The following C9orf43 variants were observed in gnomAD, a reference collection of about 807,000 sequenced individuals.
C9orf43 encodes chromosome 9 open reading frame 43.
In C9orf43, 45 loss-of-function variants were observed where a neutral mutation model predicts 59.1. The observed-to-expected ratio is 0.76, with a 90% confidence interval of 0.60 to 0.98. C9orf43 has a LOEUF of 0.98. Ranked by LOEUF, C9orf43 falls within the 50% of genes least tolerant of loss-of-function variation. C9orf43 has a pLI of 0.00. For missense variants in C9orf43, 533 were observed against 554.9 expected, an observed-to-expected ratio of 0.96 and a Z score of 0.40; for synonymous variants, 203 against 196.8, an observed-to-expected ratio of 1.03 and a Z score of -0.26.
rs753606766 is a variant in C9orf43, at chr9:113,413,753, TC to T, written c.152-5del. 9.9e-6 allele frequency: 16 copies of T among 1,613,570 alleles called. No individual in the cohort carries two copies. The South Asian group carries it at 1.8e-4, about 18-fold the overall frequency. On this transcript the variant is annotated splice_polypyrimidine_tract_variant and splice_region_variant and intron_variant, in intron 2 of 13. Transcript: ENST00000374165. The stretch of plus-strand genomic sequence containing the variant: ...TAACATGTTTTCTTCTGGTCTGCCT[TC>T]TTAGATAAACTCCCAGTGCTCACCG...
chr9:113,421,849 A>G (rs1234387111), intron 5 of C9orf43, among the ~76,000 whole-genome samples: 1 of 152,090 alleles, frequency 6.6e-6, no homozygotes, highest in Non-Finnish European at 1.5e-5. Context: ...GTGTGTGTGT[A>G]TATATGGTAT....
At chr9:113,425,513 C>T in intron 10 of C9orf43, 93 bp downstream of exon 10, 1 of 1,492,584 alleles carries the variant, frequency 6.7e-7, no homozygotes, top group Non-Finnish European at 9.1e-7. Context: ...TCCTTGTTTT[C>T]TATCTGGTTA....
intron 8 of C9orf43, 27 bp from the exon 9 acceptor site, chr9:113,424,991 CT>C: frequency 6.3e-7 from 1 of 1,598,474 alleles, no homozygotes. Context: ...TGCAGTAGAG[CT>C]TTTCTTTTTC....
At chr9:113,420,178 C>T (rs1828513237) in intron 4 of C9orf43, among the ~76,000 whole-genome samples, 1 of 152,110 alleles carries the variant, frequency 6.6e-6, no homozygotes, top group Non-Finnish European at 1.5e-5. Flanking sequence ...ATTGTAGCCT[C>T]AAACTCCTGG....
intron 3 of C9orf43, among the ~76,000 whole-genome samples, chr9:113,417,926 C>T (rs1828428617): frequency 6.6e-6 from 1 of 152,066 alleles, no homozygotes; most frequent in South Asian, 2.1e-4. Flanking sequence ...TTTTAAATTC[C>T]ACTATCATTC....
In C9orf43 at chr9:113,425,396, G is replaced by C. The variant is rs773000641; in HGVS notation, c.918G>C (p.Lys306Asn). The change falls in exon 10 of 14, where the codon AAG (lysine) becomes AAC (asparagine). Residue 306 changes from lysine to asparagine, a missense_variant. Coordinates refer to ENST00000374165, the MANE Select transcript of C9orf43 (RefSeq NM_001278629.2). ...RQQQQQQQQK[K>N]VKTPIKKQEA... ...AGCAGCAGCAGCAGCAACAGAAGAA[G>C]GTGAAAACACCTATTAAGAAACAGG... 1 of 1,614,052 alleles carries C rather than the reference G, an allele frequency of 6.2e-7. No individual in the cohort carries two copies. The highest frequency in any genetic ancestry group is 1.1e-5 in the South Asian group (1 of 91,078).
At chr9:113,420,215 C>T (rs148699201) in intron 4 of C9orf43, among the ~76,000 whole-genome samples, 1 of 152,020 alleles carries the variant, frequency 6.6e-6, no homozygotes, top group East Asian at 1.9e-4. Context: ...TGTCTCAGAC[C>T]CCTGAGTAAC....
intron 2 of C9orf43, 32 bp downstream of exon 2, chr9:113,413,676 C>T (rs757769945): frequency 1.4e-5 from 23 of 1,612,616 alleles, no homozygotes; most frequent in East Asian, 6.7e-5. Flanking sequence ...CTCTCCCTCA[C>T]GAGGTCCTTA....
intron 8 of C9orf43, among the ~76,000 whole-genome samples, chr9:113,424,667 C>T (rs1828717377): frequency 6.6e-6 from 1 of 152,004 alleles, no homozygotes; most frequent in Non-Finnish European, 1.5e-5. Flanking sequence ...GCTGGGACTA[C>T]AGGTGTGCGC....
chr9:113,420,324 C>G (rs1399114830), intron 4 of C9orf43, among the ~76,000 whole-genome samples: 1 of 152,152 alleles, frequency 6.6e-6, no homozygotes, highest in Non-Finnish European at 1.5e-5. Flanking sequence ...AACTCCCAGC[C>G]TCAAGCAATC....
intron 11 of C9orf43, among the ~76,000 whole-genome samples, chr9:113,427,456 C>A (rs1377699645): frequency 6.6e-6 from 1 of 152,212 alleles, no homozygotes; most frequent in Non-Finnish European, 1.5e-5. Context: ...GGATTACAGG[C>A]GTGAGCCACT....
chr9:113,424,095 C>T (rs2119095234), intron 7 of C9orf43, 71 bp from the exon 8 acceptor site: 1 of 1,509,668 alleles, frequency 6.6e-7, no homozygotes. Flanking sequence ...CCCTTTACAT[C>T]TCTTTCTCCT....
Position 113,419,114 on chromosome 9 carries a change from G to A in C9orf43, c.294G>A (p.Pro98=), listed in dbSNP as rs763310664. 5.0e-6 allele frequency: 8 copies of A among 1,608,532 alleles called. No individual in the cohort carries two copies. The highest frequency in any genetic ancestry group is 1.7e-4 in the Middle Eastern group (1 of 6,042). The part of the protein sequence containing the change: ...KFYSKFHGRP[P]KGLPDKSLIN... The stretch of plus-strand genomic sequence containing the variant: ...TGTGGAACTCATTTTTTAGGCCTCC[G>A]AAGGGTTTACCTGACAAAAGTTTGA... The change falls in exon 4 of 14, where the codon CCG becomes CCA. Residue 98 remains proline, a synonymous_variant. Coordinates refer to ENST00000374165, the MANE Select transcript of C9orf43 (RefSeq NM_001278629.2).
intron 12 of C9orf43, among the ~76,000 whole-genome samples, 178 bp downstream of exon 12, chr9:113,428,401 G>C (rs1486138256): frequency 6.6e-6 from 1 of 152,196 alleles, no homozygotes; most frequent in African/African-American, 2.4e-5. Flanking sequence ...TGTTGGCCAA[G>C]TTGCTGGTTT....
intron 11 of C9orf43, among the ~76,000 whole-genome samples, 183 bp from the exon 12 acceptor site, chr9:113,427,964 A>AT (rs1440682169): frequency 1.3e-5 from 2 of 152,248 alleles, no homozygotes; most frequent in Non-Finnish European, 2.9e-5. Context: ...AGATGAAGTT[A>AT]CAGTCCCAGG....
chr9:113,413,870 A>G lies in C9orf43; in HGVS notation c.263A>G (p.Lys88Arg). Residue 88 changes from lysine to arginine, a missense_variant, in exon 3 of 14, where the codon AAG (lysine) becomes AGG (arginine). Transcript: ENST00000374165. ...CATTCTTTATTGTCTCAGAGTTCAA[A>G]GTTTTACTCCAAATTTCATGGCAGG... is the stretch of plus-strand genomic sequence containing the variant. ...KAHSLLSQSSKFYSKFHGRPP... is the reference protein window; with the variant it reads ...KAHSLLSQSSRFYSKFHGRPP... The G allele has an allele frequency of 6.2e-7, 1 of 1,610,512 alleles. No individual in the cohort carries two copies. Among genetic ancestry groups the G allele is most frequent in the Non-Finnish European group, 8.5e-7 (1 of 1,179,142 alleles).
intron 3 of C9orf43, among the ~76,000 whole-genome samples, chr9:113,418,304 A>C (rs1828448203): frequency 6.6e-6 from 1 of 152,182 alleles, no homozygotes; most frequent in South Asian, 2.1e-4. Context: ...TACCTCATGT[A>C]AGTGGAATTA....
intron 4 of C9orf43, among the ~76,000 whole-genome samples, chr9:113,419,888 T>C (rs1828502308): frequency 6.6e-6 from 1 of 152,164 alleles, no homozygotes. Context: ...TACTTAACTA[T>C]GGTAAAGAGA....
chr9:113,422,445 C>A, intron 5 of C9orf43, 104 bp from the exon 6 acceptor site: 1 of 1,476,532 alleles, frequency 6.8e-7, no homozygotes, highest in Non-Finnish European at 9.2e-7. Flanking sequence ...CACAAATATC[C>A]TTGGAGCTTC....
Sources: gnomAD v4.1 joint callset for allele counts (sites outside exome capture counted in the v4.1 genomes callset) on GRCh38, gnomAD v4.1.1 for gene constraint, MANE v1.5 for transcripts, NCBI Gene and HGNC (gene_info 2026-07-23, HGNC 2026-07-21) for gene names.